AK7: variants seen among roughly 807,000 people sequenced by gnomAD.
AK7 encodes the protein adenylate kinase 7.
A neutral mutation model predicts 96.6 loss-of-function variants in AK7; 78 were observed. The observed-to-expected ratio is 0.81, with a 90% CI of 0.67 to 0.97. AK7 has a LOEUF of 0.97. Among genes scored for constraint, AK7 ranks in the 50% least tolerant of loss-of-function variants. The pLI, the probability that AK7 is intolerant of heterozygous loss-of-function variation, is 0.00. For synonymous variants in AK7, 302 were observed against 317.2 expected (o/e 0.95, Z 0.51); for missense variants, 855 against 887.9 (o/e 0.96, Z 0.47).
chr14:96,398,356 C>CT, intron 2 of AK7, 93 bp downstream of exon 2: 1 of 1,343,896 alleles, frequency 7.4e-7, no homozygotes, highest in Non-Finnish European at 1.0e-6. Context: ...TTTGCCTCCC[C>CT]TCCCCTCTCT....
At chr14:96,402,727 C>T (rs1014447638) in intron 2 of AK7, among the ~76,000 whole-genome samples, 1 of 151,994 alleles carries the variant, frequency 6.6e-6, no homozygotes, top group African/African-American at 2.4e-5. Flanking sequence ...TGGTATGGGT[C>T]GAGTTGTTTC....
At chr14:96,467,519 G>A (rs970838810) in intron 12 of AK7, among the ~76,000 whole-genome samples, 2 of 151,920 alleles carry the variant, frequency 1.3e-5, no homozygotes, top group African/African-American at 4.8e-5. Flanking sequence ...TGTATTTTTA[G>A]TAGATACACG....
chr14:96,404,759 C>T lies in AK7; in HGVS notation c.297C>T (p.Ala99=). 6.3e-7 allele frequency: 1 copy of T among 1,591,710 alleles called. No homozygotes were observed. Residue 99 remains alanine, a splice_region_variant and synonymous_variant, in exon 3 of 18, where the codon GCC becomes GCT. Transcript: ENST00000267584. The part of the protein sequence containing the change: ...RPDFAVETYS[A]ISREDLLMRL... ...TGGCTGTCAATTTTCTTTTTCAGGC[C>T]ATCTCTCGAGAAGACCTTCTCATGC... is the stretch of plus-strand genomic sequence containing the variant.
Position 96,451,512 on chromosome 14 carries a change from G to A in AK7, c.1040G>A (p.Gly347Glu). ...NFNIRWAAQT[G>E]FVENINTILK... Reference sequence around the variant, plus strand: ...AATATTCGATGGGCTGCCCAAACAGGATTTGTGGAAAATATCAACACTATC... The same window carrying A: ...AATATTCGATGGGCTGCCCAAACAGAATTTGTGGAAAATATCAACACTATC... Residue 347 changes from glycine to glutamate, a missense_variant, in exon 10 of 18, where the codon GGA becomes GAA. Transcript: ENST00000267584. The A allele has an allele frequency of 5.0e-6, 8 of 1,600,366 alleles. No individual in the cohort carries two copies. The highest frequency in any genetic ancestry group is 6.8e-6 in the Non-Finnish European group (8 of 1,172,456).
At chr14:96,415,613 CTT>C (rs1469059383) in intron 4 of AK7, among the ~76,000 whole-genome samples, 1 of 151,924 alleles carries the variant, frequency 6.6e-6, no homozygotes, top group Non-Finnish European at 1.5e-5. Context: ...GTGCGTAGGT[CTT>C]TTTGAGTTTG....
chr14:96,458,317 C>T lies in AK7; in HGVS notation c.1357+105C>T, dbSNP rs144337627. ...TAAAAAAAAAAGACTGAACTACAGG[C>T]GGGCGCCATGGCTCATGCCTGTAAT... On this transcript the variant is annotated intron_variant, in intron 12 of 17. Transcript: ENST00000267584. 1,716 of 1,427,712 alleles carry T rather than the reference C, an allele frequency of 1.2e-3. 8 individuals carry two copies. In the African/African-American group the frequency reaches 0.013, roughly 11 times the overall value. 88.4% of individuals were successfully genotyped at this position (1,427,712 alleles called of 1,614,324 possible). A position where few individuals can be genotyped will look rare whatever the true frequency, so the allele number is the denominator to read the frequency against.
chr14:96,484,907 A>G (rs1032700301), intron 16 of AK7, among the ~76,000 whole-genome samples: 2 of 152,224 alleles, frequency 1.3e-5, no homozygotes, highest in African/African-American at 2.4e-5. Context: ...GGAAAGAAGG[A>G]AGGAAAGAAG....
rs572901569 is a variant in AK7 at position 96,397,508 on chromosome 14, C to T, written c.106-567C>T. Among the ~76,000 whole-genome samples, 33 of 152,304 alleles carry T rather than the reference C, an allele frequency of 2.2e-4. No homozygotes were observed. The South Asian group carries it at 5.8e-3, about 27-fold the overall frequency. Reference sequence around the variant, plus strand: ...AAGTGATCCACCTGCCTCAGCCTCCCAAAGTGCTGGGATTACAGGCATGAG... The same window carrying T: ...AAGTGATCCACCTGCCTCAGCCTCCTAAAGTGCTGGGATTACAGGCATGAG... On this transcript the variant is annotated intron_variant, in intron 1 of 17. Coordinates refer to ENST00000267584, the MANE Select transcript of AK7 (RefSeq NM_152327.5).
rs562966923 is a variant in AK7 at position 96,478,490 on chromosome 14, G to A, written c.1581G>A (p.Ser527=). The change falls in exon 15 of 18, where the codon TCG becomes TCA. Residue 527 remains serine, a synonymous_variant. Coordinates refer to ENST00000267584, the MANE Select transcript of AK7 (RefSeq NM_152327.5). ...IPEFVCALDA[S]DEFLKERVIN... is the part of the protein sequence containing the mutation. ...AATTCGTTTGTGCACTGGATGCTTC[G>A]GATGAGTTTCTGAAGGAGCGTGTGA... The A allele has an allele frequency of 9.3e-6, 15 of 1,613,970 alleles. No homozygotes were observed. Among genetic ancestry groups the A allele is most frequent in the East Asian group, 2.2e-5 (1 of 44,892 alleles).
chr14:96,485,241 T>G (rs758309965), intron 16 of AK7, among the ~76,000 whole-genome samples: 1 of 152,250 alleles, frequency 6.6e-6, no homozygotes, highest in Non-Finnish European at 1.5e-5. Context: ...CTTTTTCTGT[T>G]TGTTAAGCAT....
chr14:96,454,054 C>G (rs529501288), intron 10 of AK7, among the ~76,000 whole-genome samples: 33 of 152,296 alleles, frequency 2.2e-4, no homozygotes, highest in African/African-American at 7.9e-4. Flanking sequence ...GATGGGACCA[C>G]ACGCGCCAGA....
rs752431314 is a variant in AK7, at chr14:96,398,202, T to C, written c.233T>C (p.Ile78Thr). Residue 78 changes from isoleucine (I) to threonine (T), a missense_variant, in exon 2 of 18, where the codon ATT (isoleucine) becomes ACT (threonine). By Grantham distance (89) the Ile-to-Thr change is moderately conservative. Coordinates refer to ENST00000267584, the MANE Select transcript of AK7 (RefSeq NM_152327.5). ...AAAGTGAAGGAAGGCACATTCCAGA[T>C]TGTGGGCACGCTGTCCAAGCCTGAC... Reference protein sequence around the residue: ...STKVKEGTFQIVGTLSKPDSP... With the variant: ...STKVKEGTFQTVGTLSKPDSP... The C allele has an allele frequency of 2.2e-5, 35 of 1,613,930 alleles. No homozygotes were observed. The highest frequency in any genetic ancestry group is 3.0e-5 in the Non-Finnish European group (35 of 1,180,044).
At chr14:96,433,246 A>G (rs1051425536) in intron 5 of AK7, among the ~76,000 whole-genome samples, 2 of 152,086 alleles carry the variant, frequency 1.3e-5, no homozygotes, top group Non-Finnish European at 2.9e-5. Flanking sequence ...GTTCTCCTGG[A>G]TAATATCCTG....
intron 6 of AK7, among the ~76,000 whole-genome samples, chr14:96,441,593 C>G (rs972867916): frequency 6.7e-6 from 1 of 148,674 alleles, no homozygotes; most frequent in Non-Finnish European, 1.5e-5. Context: ...GAGCTGAGAT[C>G]CTGCCACTGC....
intron 15 of AK7, 63 bp downstream of exon 15, chr14:96,478,725 C>T: frequency 1.3e-6 from 2 of 1,535,176 alleles, no homozygotes; most frequent in Non-Finnish European, 1.8e-6. Context: ...TGGTGCAGGT[C>T]TAGCTGTAAT....
chr14:96,402,513 T>A (rs1890474573), intron 2 of AK7, among the ~76,000 whole-genome samples: 1 of 152,206 alleles, frequency 6.6e-6, no homozygotes, highest in Non-Finnish European at 1.5e-5. Context: ...AGAATACACA[T>A]CTTTGAGTCC....
intron 16 of AK7, among the ~76,000 whole-genome samples, chr14:96,483,959 G>A (rs139605185): frequency 6.6e-6 from 1 of 152,064 alleles, no homozygotes; most frequent in East Asian, 1.9e-4. Context: ...GCTGGGCATG[G>A]TGGTTCATAC....
In AK7 at chr14:96,437,832, T is replaced by C. The variant is rs756025716; in HGVS notation, c.610-3T>C. 2.5e-6 allele frequency: 4 copies of C among 1,606,304 alleles called. No individual in the cohort carries two copies. The African/African-American group carries it at 4.0e-5, about 16-fold the overall frequency. ...CTTTTTTTTTCTGTATTTTATCTAATAGGCCAGAAAATTTGCAGCATACGT... is the reference window on the plus strand; with the variant it reads ...CTTTTTTTTTCTGTATTTTATCTAACAGGCCAGAAAATTTGCAGCATACGT... On this transcript the variant is annotated splice_polypyrimidine_tract_variant and splice_region_variant and intron_variant, in intron 5 of 17. Coordinates refer to ENST00000267584, the MANE Select transcript of AK7 (RefSeq NM_152327.5).
intron 8 of AK7, among the ~76,000 whole-genome samples, chr14:96,447,206 A>G (rs999299581): frequency 6.6e-6 from 1 of 152,234 alleles, no homozygotes; most frequent in African/African-American, 2.4e-5. Flanking sequence ...ATGACACACC[A>G]GAATACGAAA....
Sources: allele counts gnomAD v4.1 joint callset (sites outside exome capture counted in the v4.1 genomes callset), GRCh38; gene constraint gnomAD v4.1.1; transcripts MANE v1.5; gene names NCBI Gene and HGNC (gene_info 2026-07-23, HGNC 2026-07-21).